AUTS2: variants seen among roughly 807,000 people sequenced by gnomAD.
The protein encoded by AUTS2 is activator of transcription and developmental regulator AUTS2, also known as autism susceptibility gene 2 protein.
Under a neutral mutation model 112.4 loss-of-function variants are expected in AUTS2, and 17 were observed. The ratio of observed to expected loss-of-function variants is 0.15; its 90% confidence interval spans 0.10 to 0.23. The LOEUF (loss-of-function observed/expected upper bound fraction) is 0.23, where lower values mean the gene tolerates loss of function less well. Ranked by LOEUF, AUTS2 falls within the 10% of genes least tolerant of loss-of-function variation. The probability of loss-of-function intolerance (pLI) is 1.00; values close to 1 mark genes in which losing one functional copy is unlikely to be tolerated. For synonymous variants in AUTS2, 751 were observed against 702.7 expected (o/e 1.07, Z -1.09); for missense variants, 1,510 against 1,701.6 (o/e 0.89, Z 1.98).
chr7:70,442,569 A>C (rs181882410), intron 5 of AUTS2, among the ~76,000 whole-genome samples: 51 of 152,130 alleles, frequency 3.4e-4, no homozygotes, highest in African/African-American at 1.0e-3. Context: ...CGGTTCACTG[A>C]ACCCTCCCAC....
Position 69,880,470 on chromosome 7 carries a change from C to T in AUTS2, c.310-18816C>T, listed in dbSNP as rs572876626. Among the ~76,000 whole-genome samples the T allele has an allele frequency of 2.1e-3, 320 of 152,268 alleles. 1 individual carries two copies. The highest frequency in any genetic ancestry group is 3.8e-3 in the Non-Finnish European group (256 of 68,028). On this transcript the variant is annotated intron_variant, in intron 1 of 18. Transcript: ENST00000342771. ...GCATTCACTACCACAGTGAACACCACCATCCTCCTCCTCATCATCATAATT... is the reference window on the plus strand; with the variant it reads ...GCATTCACTACCACAGTGAACACCATCATCCTCCTCCTCATCATCATAATT...
At chr7:69,661,979 A>G (rs976736168) in intron 1 of AUTS2, among the ~76,000 whole-genome samples, 1 of 152,180 alleles carries the variant, frequency 6.6e-6, no homozygotes, top group Non-Finnish European at 1.5e-5. Flanking sequence ...AATTGCAATG[A>G]TTTGAAATGC....
intron 2 of AUTS2, among the ~76,000 whole-genome samples, chr7:70,081,282 T>A (rs987746429): frequency 6.6e-6 from 1 of 151,252 alleles, no homozygotes; most frequent in Non-Finnish European, 1.5e-5. Context: ...CTGGACGCGC[T>A]GGTCATGCCT....
At chr7:70,337,133 C>T (rs1156788922) in intron 4 of AUTS2, among the ~76,000 whole-genome samples, 1 of 152,174 alleles carries the variant, frequency 6.6e-6, no homozygotes, top group Non-Finnish European at 1.5e-5. Flanking sequence ...TAGGTCAAGC[C>T]TCCCATGGCA....
chr7:70,121,564 C>T (rs1805684086), intron 3 of AUTS2, among the ~76,000 whole-genome samples: 1 of 152,054 alleles, frequency 6.6e-6, no homozygotes. Context: ...AGAAGAGGTA[C>T]TTGAAAAATG....
At chr7:70,386,590 T>A (rs1460408810) in intron 4 of AUTS2, among the ~76,000 whole-genome samples, 1 of 152,172 alleles carries the variant, frequency 6.6e-6, no homozygotes, top group African/African-American at 2.4e-5. Flanking sequence ...ACATTTCATC[T>A]CTGAAATATC....
rs777840526 is a variant in AUTS2 at position 69,899,314 on chromosome 7, G to C, written c.338G>C (p.Arg113Pro). 6.2e-6 allele frequency: 10 copies of C among 1,613,830 alleles called. No individual in the cohort carries two copies. The highest frequency in any genetic ancestry group is 8.5e-6 in the Non-Finnish European group (10 of 1,179,780). The change falls in exon 2 of 19, where the codon CGT becomes CCT. Residue 113 changes from arginine (R) to proline (P), a missense_variant. Around this residue, in one of 3 missense-constraint regions of AUTS2, gnomAD observed 535 missense variants for 594.3 expected, o/e 0.90. Transcript: ENST00000342771. The stretch of plus-strand genomic sequence containing the variant: ...GATGTAGCACTTAAGCCTCAGGAAC[G>C]TGTGGAGAAACGCCAGACGCCCCTG... ...EKDVALKPQE[R>P]VEKRQTPLTK... is the part of the protein sequence containing the mutation.
Position 69,615,525 on chromosome 7 carries a change from A to T in AUTS2, c.309+15563A>T, listed in dbSNP as rs1344511464. 2.0e-5 allele frequency among the ~76,000 whole-genome samples: 3 copies of T among 151,544 alleles called. No homozygotes were observed. In the East Asian group the frequency reaches 5.8e-4, roughly 29 times the overall value. On this transcript the variant is annotated intron_variant, in intron 1 of 18. Coordinates refer to ENST00000342771, the MANE Select transcript of AUTS2 (RefSeq NM_015570.4). ...TCCATGTTGGCCAGGTTGGTCTCGA[A>T]CTCCTGACCTCAGGTGATCTGCCTG...
intron 1 of AUTS2, among the ~76,000 whole-genome samples, chr7:69,698,956 T>G (rs924757844): frequency 3.3e-5 from 5 of 152,318 alleles, no homozygotes; most frequent in Admixed American, 2.6e-4. Flanking sequence ...TAACTTTGAC[T>G]ATATATTTTT....
chr7:70,462,098 A>C (rs1363422372), intron 5 of AUTS2, among the ~76,000 whole-genome samples: 1 of 152,038 alleles, frequency 6.6e-6, no homozygotes, highest in Admixed American at 6.5e-5. Context: ...TGAGAAATAC[A>C]AAAATTATCC....
intron 5 of AUTS2, among the ~76,000 whole-genome samples, chr7:70,609,963 TTGTTGTTG>T (rs1803995747): frequency 0.01 from 233 of 22,538 alleles, no homozygotes; most frequent in African/African-American, 0.031. Flanking sequence ...CTGTTTTTTG[TTGTTGTTG>T]TTGTTGTTGT....
At chr7:69,600,968 A>T (rs1424104845) in intron 1 of AUTS2, among the ~76,000 whole-genome samples, 6 of 149,208 alleles carry the variant, frequency 4.0e-5, no homozygotes, top group Non-Finnish European at 7.4e-5. Context: ...CTTCCAGCCA[A>T]CTGGCTCCTA....
chr7:69,824,404 G>A (rs1791147090), intron 1 of AUTS2, among the ~76,000 whole-genome samples: 1 of 149,756 alleles, frequency 6.7e-6, no homozygotes, highest in Non-Finnish European at 1.5e-5. Context: ...GCGAGATTCT[G>A]TCTCAAAAAA....
chr7:69,612,451 A>G (rs1169639204), intron 1 of AUTS2, among the ~76,000 whole-genome samples: 13 of 150,778 alleles, frequency 8.6e-5, no homozygotes, highest in Admixed American at 8.6e-4. Flanking sequence ...TTCTCCCTAT[A>G]TTTCTATTTT....
chr7:70,739,365 A>T (rs1585603365), intron 6 of AUTS2, among the ~76,000 whole-genome samples: 1 of 140,650 alleles, frequency 7.1e-6, no homozygotes, highest in East Asian at 2.0e-4. Context: ...TTTTTTGTAG[A>T]GATGAGATCA....
At chr7:69,994,704 ATGT>A (rs1798871870) in intron 2 of AUTS2, among the ~76,000 whole-genome samples, 1 of 152,184 alleles carries the variant, frequency 6.6e-6, no homozygotes, top group African/African-American at 2.4e-5. Context: ...ATTTACTGGT[ATGT>A]TGATTCGTGG....
chr7:70,163,012 C>T (rs1397711538), intron 4 of AUTS2, among the ~76,000 whole-genome samples: 1 of 151,804 alleles, frequency 6.6e-6, no homozygotes, highest in Non-Finnish European at 1.5e-5. Context: ...GGGAGAGGAC[C>T]AGGAAGAGGT....
intron 3 of AUTS2, among the ~76,000 whole-genome samples, chr7:70,123,802 A>T (rs1241139096): frequency 6.6e-6 from 1 of 152,212 alleles, no homozygotes; most frequent in African/African-American, 2.4e-5. Flanking sequence ...GTAGTGCTGC[A>T]GTGAACATTT....
intron 5 of AUTS2, among the ~76,000 whole-genome samples, chr7:70,441,282 T>G (rs541298503): frequency 1.1e-4 from 17 of 152,336 alleles, no homozygotes; most frequent in African/African-American, 3.8e-4. Context: ...GCTTTGGTAC[T>G]GTGTCCTGTA....
Sources: allele counts gnomAD v4.1 joint callset (sites outside exome capture counted in the v4.1 genomes callset), GRCh38; gene constraint gnomAD v4.1.1; regional missense constraint gnomAD v4.1.1; transcripts MANE v1.5; gene names NCBI Gene and HGNC (gene_info 2026-07-23, HGNC 2026-07-21).